CSTPP1: variants seen among roughly 807,000 people sequenced by gnomAD.
CSTPP1 encodes the protein UPF0705 protein C11orf49.
At chr11:47,034,724 C>T in the CSTPP1 span, among the ~76,000 whole-genome samples, 2 of 152,054 alleles carry the variant, frequency 1.3e-5, no homozygotes, top group South Asian at 4.1e-4. Flanking sequence ...GTTTCAAACT[C>T]CTGGGCTCAA....
At chr11:47,067,830 G>A in the CSTPP1 span, among the ~76,000 whole-genome samples, 13,057 of 152,206 alleles carry the variant, frequency 0.086, 1,874 homozygotes, top group African/African-American at 0.3. Context: ...TTTCAGCACA[G>A]AAAGATTCAT....
At chr11:46,953,418 G>A in the CSTPP1 span, among the ~76,000 whole-genome samples, 2 of 152,084 alleles carry the variant, frequency 1.3e-5, no homozygotes, top group Non-Finnish European at 2.9e-5. Flanking sequence ...AGATCCAAGG[G>A]AAGGAAAGGA....
the CSTPP1 span, among the ~76,000 whole-genome samples, chr11:47,115,648 G>A: frequency 5.9e-5 from 9 of 151,712 alleles, no homozygotes; most frequent in African/African-American, 9.7e-5. Flanking sequence ...CTGTGGGATC[G>A]GTGATGATAT....
chr11:47,020,066 G>T, the CSTPP1 span, among the ~76,000 whole-genome samples: 5 of 152,052 alleles, frequency 3.3e-5, no homozygotes, highest in African/African-American at 1.2e-4. Flanking sequence ...ACCTGAAAGT[G>T]CCCCCCACAC....
the CSTPP1 span, among the ~76,000 whole-genome samples, chr11:46,964,212 C>T: frequency 6.6e-6 from 1 of 152,030 alleles, no homozygotes; most frequent in African/African-American, 2.4e-5. Flanking sequence ...TAGCACAATT[C>T]TTCCATCAAA....
the CSTPP1 span, among the ~76,000 whole-genome samples, chr11:47,101,177 T>TTTTTTTG: frequency 1.1e-5 from 1 of 91,888 alleles, no homozygotes; most frequent in Non-Finnish European, 2.4e-5. Context: ...TTTTTTTTTT[T>TTTTTTTG]TTTTTTTTTT....
the CSTPP1 span, among the ~76,000 whole-genome samples, chr11:47,116,349 G>C: frequency 6.6e-6 from 1 of 152,214 alleles, no homozygotes; most frequent in Non-Finnish European, 1.5e-5. Flanking sequence ...TTGCAGAGCT[G>C]AGTTCAGGTC....
chr11:46,953,523 A>G, the CSTPP1 span, among the ~76,000 whole-genome samples: 2 of 152,198 alleles, frequency 1.3e-5, no homozygotes, highest in African/African-American at 2.4e-5. Flanking sequence ...AGTCAGGACC[A>G]TATTTATCCA....
the CSTPP1 span, among the ~76,000 whole-genome samples, chr11:46,947,410 G>A: frequency 1.3e-5 from 2 of 152,204 alleles, no homozygotes; most frequent in African/African-American, 4.8e-5. Flanking sequence ...ATTTATCAAA[G>A]AGAGGAGGGA....
the CSTPP1 span, among the ~76,000 whole-genome samples, chr11:47,153,433 C>T: frequency 6.6e-6 from 1 of 152,182 alleles, no homozygotes. Context: ...AAATCAGCCA[C>T]AGAAACTAGG....
the CSTPP1 span, among the ~76,000 whole-genome samples, chr11:46,989,112 C>T: frequency 6.6e-6 from 1 of 151,968 alleles, no homozygotes; most frequent in Non-Finnish European, 1.5e-5. Flanking sequence ...CACCTGTAAT[C>T]CCAGCTACTA....
At chr11:46,996,242 CTG>C in the CSTPP1 span, among the ~76,000 whole-genome samples, 1 of 152,066 alleles carries the variant, frequency 6.6e-6, no homozygotes, top group East Asian at 1.9e-4. Context: ...ATTTGCCAGT[CTG>C]TGTCTTTTAA....
chr11:46,946,078 G>T, the CSTPP1 span, among the ~76,000 whole-genome samples: 7 of 151,926 alleles, frequency 4.6e-5, no homozygotes, highest in African/African-American at 1.2e-4. Flanking sequence ...ATATCTTTTT[G>T]TTGGGGGGAA....
At chr11:47,006,085 C>A in the CSTPP1 span, among the ~76,000 whole-genome samples, 1 of 152,146 alleles carries the variant, frequency 6.6e-6, no homozygotes, top group East Asian at 1.9e-4. Flanking sequence ...TTAAAAAAAT[C>A]TATATATGGA....
chr11:47,105,250 T>G, the CSTPP1 span, among the ~76,000 whole-genome samples: 1 of 152,084 alleles, frequency 6.6e-6, no homozygotes, highest in Non-Finnish European at 1.5e-5. Flanking sequence ...ATCCCTACAC[T>G]TTGGGAAGCA....
the CSTPP1 span, among the ~76,000 whole-genome samples, chr11:47,045,713 GA>G: frequency 6.6e-6 from 1 of 152,158 alleles, no homozygotes; most frequent in Non-Finnish European, 1.5e-5. Flanking sequence ...TAGTGAGCAT[GA>G]AAATTGATTT....
chr11:46,987,217 A>C, the CSTPP1 span: 3 of 1,613,992 alleles, frequency 1.9e-6, no homozygotes, highest in Admixed American at 1.7e-5. Flanking sequence ...GCTCAGCGAC[A>C]TGTCCTCACC....
At chr11:47,162,111 A>G in the CSTPP1 span, 2 of 986,682 alleles carry the variant, frequency 2.0e-6, no homozygotes, top group South Asian at 9.4e-5. Flanking sequence ...GTTGGAGAAC[A>G]GCCAGTAGCC....
At chr11:47,144,720 T>C in the CSTPP1 span, among the ~76,000 whole-genome samples, 5 of 152,126 alleles carry the variant, frequency 3.3e-5, no homozygotes, top group African/African-American at 1.2e-4. Flanking sequence ...ATCACATCTG[T>C]AAGTCATTTG....
Sources: gnomAD v4.1 joint callset for allele counts (sites outside exome capture counted in the v4.1 genomes callset) on GRCh38, gnomAD v4.1.1 for gene constraint, MANE v1.5 for transcripts, NCBI Gene and HGNC (gene_info 2026-07-23, HGNC 2026-07-21) for gene names.